SLITRK6: variants seen among roughly 807,000 people sequenced by gnomAD.
SLITRK6 encodes SLIT and NTRK like family member 6, also known as SLIT and NTRK-like protein 6.
A neutral mutation model predicts 55.6 loss-of-function variants in SLITRK6; 35 were observed. The observed-to-expected ratio is 0.63, with a 90% CI of 0.48 to 0.83. SLITRK6 has a LOEUF of 0.83. Ranked by LOEUF, SLITRK6 falls within the 40% of genes least tolerant of loss-of-function variation. The pLI is 0.00. For missense variants in SLITRK6, 977 were observed against 986.4 expected (o/e 0.99, Z 0.13); for synonymous variants, 392 against 359.6 (o/e 1.09, Z -1.02).
In SLITRK6 at chr13:85,794,599, C is replaced by G; in HGVS notation, c.1910G>C (p.Arg637Thr). The G allele has an allele frequency of 6.2e-7, 1 of 1,613,106 alleles. No homozygotes were observed. The highest frequency in any genetic ancestry group is 1.1e-5 in the South Asian group (1 of 91,042). ...ATCTACTTGTTTCTTTTTGTATCTTCTCCTGCGGTGAAGAACAAGAACCAC... is the reference window on the plus strand; with the variant it reads ...ATCTACTTGTTTCTTTTTGTATCTTGTCCTGCGGTGAAGAACAAGAACCAC... ...GIVVLVLHRR[R>T]RYKKKQVDEQ... Residue 637 changes from arginine (R) to threonine (T), a missense_variant, in exon 2 of 2, where the codon AGA becomes ACA. Coordinates refer to ENST00000647374, the MANE Select transcript of SLITRK6 (RefSeq NM_032229.3).
rs1289388792 is a variant in SLITRK6 at position 85,794,478 on chromosome 13, G to A, written c.2031C>T (p.Leu677=). 4 of 1,613,366 alleles carry A rather than the reference G, an allele frequency of 2.5e-6. No individual in the cohort carries two copies. The highest frequency in any genetic ancestry group is 3.4e-6 in the Non-Finnish European group (4 of 1,179,548). Residue 677 remains leucine (L), a synonymous_variant, in exon 2 of 2, where the codon CTC becomes CTT. Coordinates refer to ENST00000647374, the MANE Select transcript of SLITRK6 (RefSeq NM_032229.3). ...HHTTERPSAS[L]YEQHMVSPMV... is the part of the protein sequence containing the mutation. ...TGGGGCTCACCATGTGCTGTTCATA[G>A]AGTGAGGCAGAGGGTCTTTCAGTAG...
Position 85,795,131 on chromosome 13 carries a change from T to G in SLITRK6, c.1378A>C (p.Lys460Gln), listed in dbSNP as rs766460030. ...ILPGTFNPMP[K>Q]LKVLYLNNNL... ...TTATTTAAATACAGGACTTTAAGTT[T>G]AGGCATTGGATTAAAGGTTCCTGGC... Residue 460 changes from lysine (K) to glutamine (Q), a missense_variant, in exon 2 of 2, where the codon AAA (lysine) becomes CAA (glutamine). Coordinates refer to ENST00000647374, the MANE Select transcript of SLITRK6 (RefSeq NM_032229.3). 6.2e-6 allele frequency: 10 copies of G among 1,612,998 alleles called. 1 individual carries two copies. The highest frequency in any genetic ancestry group is 1.7e-4 in the Middle Eastern group (1 of 6,052).
Position 85,796,492 on chromosome 13 carries a change from T to G in SLITRK6, c.17A>C (p.His6Pro). The change falls in exon 2 of 2, where the codon CAT (histidine) becomes CCT (proline). Residue 6 changes from histidine to proline, a missense_variant. Coordinates refer to ENST00000647374, the MANE Select transcript of SLITRK6 (RefSeq NM_032229.3). The part of the protein sequence containing the change: MKLWI[H>P]LFYSSLLACI... ...GGCAAGGAGAGATGAATAAAAGAGA[T>G]GAATCCACAGCTTCATGTTGTCATG... 1 of 1,549,060 alleles carries G rather than the reference T, an allele frequency of 6.5e-7. No homozygotes were observed. The highest frequency in any genetic ancestry group is 1.3e-5 in the South Asian group (1 of 79,726).
In SLITRK6 at chr13:85,793,281, C is replaced by A. The variant is rs1874599500; in HGVS notation, c.*702G>T. The A allele has an allele frequency of 6.6e-6, 1 of 151,938 alleles. No individual in the cohort carries two copies. Among genetic ancestry groups the A allele is most frequent in the Non-Finnish European group, 1.5e-5 (1 of 67,862 alleles). The allele number at this position is 151,938 out of a possible 1,614,324, so 9.4% of individuals were successfully genotyped here. ...GCAGCACTGACATTAAAATTGTCTACACAAAATGTGTAGAAAACCCAAAAA... is the reference window on the plus strand; with the variant it reads ...GCAGCACTGACATTAAAATTGTCTAAACAAAATGTGTAGAAAACCCAAAAA... On this transcript the variant is annotated 3_prime_UTR_variant, in exon 2 of 2. Coordinates refer to ENST00000647374, the MANE Select transcript of SLITRK6 (RefSeq NM_032229.3).
At chr13:85,796,563 T>C (rs1874732771) in intron 1 of SLITRK6, 31 bp from the exon 2 acceptor site, 14 of 1,470,884 alleles carry the variant, frequency 9.5e-6, no homozygotes, top group Non-Finnish European at 1.2e-5. Flanking sequence ...GCAAGGGACT[T>C]TAGTGGGCAG....
intron 1 of SLITRK6, among the ~76,000 whole-genome samples, chr13:85,798,548 A>G (rs1874789422): frequency 6.6e-6 from 1 of 152,096 alleles, no homozygotes; most frequent in African/African-American, 2.4e-5. Flanking sequence ...TCAGAAAATA[A>G]GTAGCATACA....
At position 85,796,219 on chromosome 13, in the gene SLITRK6, A is replaced by G. The variant is rs1489213060; in HGVS notation, c.290T>C (p.Phe97Ser). The change falls in exon 2 of 2, where the codon TTT (phenylalanine) becomes TCT (serine). Residue 97 changes from phenylalanine to serine, a missense_variant. By Grantham distance (155) the Phe-to-Ser change is radical. Transcript: ENST00000647374. ...TATCTCAATATCTGCAATATTGTTA[A>G]ATCCAAGGTGTATTGAAATAGCATT... ...LTNAISIHLG[F>S]NNIADIEIGA... 1 of 1,613,158 alleles carries G rather than the reference A, an allele frequency of 6.2e-7. No homozygotes were observed. Among genetic ancestry groups the G allele is most frequent in the East Asian group, 2.2e-5 (1 of 44,840 alleles).
rs974864023 is a variant in SLITRK6 at position 85,793,392 on chromosome 13, A to G, written c.*591T>C. The G allele has an allele frequency of 3.3e-5, 5 of 152,342 alleles. No individual in the cohort carries two copies. The highest frequency in any genetic ancestry group is 2.0e-4 in the Admixed American group (3 of 15,184). 9.4% of individuals were successfully genotyped at this position (152,342 alleles called of 1,614,324 possible). A position where few individuals can be genotyped will look rare whatever the true frequency, so the allele number is the denominator to read the frequency against. ...GAGAGTGGCATTTGTTTAAGCTCAA[A>G]TGTTCAAAGTTTTGAGCCACCCATG... On this transcript the variant is annotated 3_prime_UTR_variant, in exon 2 of 2. Coordinates refer to ENST00000647374, the MANE Select transcript of SLITRK6 (RefSeq NM_032229.3).
rs760002987 is a variant in SLITRK6 at position 85,796,099 on chromosome 13, T to A, written c.410A>T (p.Asn137Ile). The A allele has an allele frequency of 3.7e-6, 6 of 1,612,592 alleles. No homozygotes were observed. The highest frequency in any genetic ancestry group is 5.1e-6 in the Non-Finnish European group (6 of 1,179,350). The change falls in exon 2 of 2, where the codon AAC becomes ATC. Residue 137 changes from asparagine (N) to isoleucine (I), a missense_variant. Physicochemically the swap from Asn to Ile is moderately radical, Grantham distance 149 (BLOSUM62 -3). Coordinates refer to ENST00000647374, the MANE Select transcript of SLITRK6 (RefSeq NM_032229.3). ...GTTATCTGCTTGCAGGAATTCCAGG[T>A]TTTCCAGTCCATGGAAAGTATCCTC... ...LKEDTFHGLE[N>I]LEFLQADNNF...
In SLITRK6 at chr13:85,794,360, G is replaced by T; in HGVS notation, c.2149C>A (p.Leu717Ile). The T allele has an allele frequency of 2.5e-6, 4 of 1,613,242 alleles. No homozygotes were observed. The highest frequency in any genetic ancestry group is 2.5e-6 in the Non-Finnish European group (3 of 1,179,542). ...TCCTGTTCCAAAAGACTTCTTTGGA[G>T]ATGTTTTGCATCACTTCCTTCTTTC... The part of the protein sequence containing the change: ...NEKEGSDAKH[L>I]QRSLLEQENH... The change falls in exon 2 of 2, where the codon CTC becomes ATC. Residue 717 changes from leucine (L) to isoleucine (I), a missense_variant. Transcript: ENST00000647374.
At position 85,794,527 on chromosome 13, in the gene SLITRK6, T is replaced by G; in HGVS notation, c.1982A>C (p.Tyr661Ser). ...AGTGTGATGAGTGGTTTTATGGCCA[T>G]ACATGCTGTACTGAAGATGCACAGG... is the stretch of plus-strand genomic sequence containing the variant. ...NSPVHLQYSM[Y>S]GHKTTHHTTE... The change falls in exon 2 of 2, where the codon TAT becomes TCT. Residue 661 changes from tyrosine to serine, a missense_variant. Tyr to Ser is a moderately radical substitution (Grantham distance 144). Transcript: ENST00000647374. The G allele has an allele frequency of 1.2e-6, 2 of 1,613,222 alleles. No homozygotes were observed. The highest frequency in any genetic ancestry group is 1.7e-6 in the Non-Finnish European group (2 of 1,179,524).
rs1422331146 is a variant in SLITRK6 at position 85,794,863 on chromosome 13, G to A, written c.1646C>T (p.Pro549Leu). Reference protein sequence around the residue: ...TVTDDILCTSPGHLDKKELKA... With the variant: ...TVTDDILCTSLGHLDKKELKA... ...CAATTCCTTTTTGTCGAGATGCCCG[G>A]GGGAAGTGCAGAGGATGTCATCTGT... Residue 549 changes from proline to leucine, a missense_variant, in exon 2 of 2, where the codon CCC (proline) becomes CTC (leucine). By Grantham distance (98) the Pro-to-Leu change is moderately conservative. Coordinates refer to ENST00000647374, the MANE Select transcript of SLITRK6 (RefSeq NM_032229.3). The A allele has an allele frequency of 1.2e-6, 2 of 1,613,060 alleles. No homozygotes were observed. Among genetic ancestry groups the A allele is most frequent in the Admixed American group, 3.3e-5 (2 of 59,782 alleles).
At chr13:85,797,151 C>CTATATA (rs10694306) in intron 1 of SLITRK6, among the ~76,000 whole-genome samples, 32,993 of 144,908 alleles carry the variant, frequency 0.23, 4,059 homozygotes, top group Middle Eastern at 0.26. Context: ...TCGGTTTTGG[C>CTATATA]TATATATATA....
chr13:85,796,243 T>A lies in SLITRK6; in HGVS notation c.266A>T (p.Asn89Ile). 1.2e-6 allele frequency: 2 copies of A among 1,612,924 alleles called. No homozygotes were observed. The highest frequency in any genetic ancestry group is 1.7e-6 in the Non-Finnish European group (2 of 1,179,384). ...AAATCCAAGGTGTATTGAAATAGCA[T>A]TGGTAAGCCCAGAAAAGTCATTTGT... ...LHTNDFSGLTNAISIHLGFNN... is the reference protein window; with the variant it reads ...LHTNDFSGLTIAISIHLGFNN... The change falls in exon 2 of 2, where the codon AAT becomes ATT. Residue 89 changes from asparagine (N) to isoleucine (I), a missense_variant. Coordinates refer to ENST00000647374, the MANE Select transcript of SLITRK6 (RefSeq NM_032229.3).
rs1265865996 is a variant in SLITRK6 at position 85,795,864 on chromosome 13, C to T, written c.645G>A (p.Leu215=). The change falls in exon 2 of 2, where the codon TTG becomes TTA. Residue 215 remains leucine, a synonymous_variant. Coordinates refer to ENST00000647374, the MANE Select transcript of SLITRK6 (RefSeq NM_032229.3). ...AATTGCAGGCCCATTTGTTGTCCTCCAACTGAAGATCCAATATTCGGCCAA... is the reference window on the plus strand; with the variant it reads ...AATTGCAGGCCCATTTGTTGTCCTCTAACTGAAGATCCAATATTCGGCCAA... ...EHIGRILDLQ[L]EDNKWACNCD... 2 of 1,612,988 alleles carry T rather than the reference C, an allele frequency of 1.2e-6. No individual in the cohort carries two copies. Among genetic ancestry groups the T allele is most frequent in the East Asian group, 4.5e-5 (2 of 44,820 alleles).
chr13:85,794,442 G>GAA lies in SLITRK6; in HGVS notation c.2066_2067insTT (p.Tyr690SerfsTer47). On this transcript the variant is annotated frameshift_variant, in exon 2 of 2. Coordinates refer to ENST00000647374, the MANE Select transcript of SLITRK6 (RefSeq NM_032229.3). LOFTEE classifies it high-confidence loss of function. Reference sequence around the variant, plus strand: ...TTGGACCAAAGGATGGACTTCTATAGACATGAACCATGGGGCTCACCATGT... The same window carrying GAA: ...TTGGACCAAAGGATGGACTTCTATAGAAACATGAACCATGGGGCTCACCATGT... 6.2e-7 allele frequency: 1 copy of GAA among 1,613,288 alleles called. No homozygotes were observed. Among genetic ancestry groups the GAA allele is most frequent in the Non-Finnish European group, 8.5e-7 (1 of 1,179,560 alleles).
chr13:85,796,564 T>C (rs538099730), intron 1 of SLITRK6, 32 bp from the exon 2 acceptor site: 19 of 1,469,810 alleles, frequency 1.3e-5, no homozygotes, highest in Admixed American at 7.8e-5. Context: ...CAAGGGACTT[T>C]AGTGGGCAGA....
chr13:85,795,480 A>G lies in SLITRK6; in HGVS notation c.1029T>C (p.Leu343=), dbSNP rs200156618. ...TGTTGCGCTCCTGACAATGTATTAG[A>G]AGTCCTGATGGGGATAGGACTTTGC... ...CNCKVLSPSG[L]LIHCQERNIE... The change falls in exon 2 of 2, where the codon CTT becomes CTC. Residue 343 remains leucine (L), a synonymous_variant. Coordinates refer to ENST00000647374, the MANE Select transcript of SLITRK6 (RefSeq NM_032229.3). 8.1e-5 allele frequency: 130 copies of G among 1,612,970 alleles called. 1 individual carries two copies. Among genetic ancestry groups the G allele is most frequent in the Middle Eastern group, 3.3e-4 (2 of 6,076 alleles).
chr13:85,798,771 G>A (rs181806397), intron 1 of SLITRK6, 143 bp downstream of exon 1: 10 of 152,086 alleles, frequency 6.6e-5, no homozygotes, highest in Non-Finnish European at 1.5e-4. Context: ...CTGCTCCAGT[G>A]TTAGTTGTGC....
Sources: allele counts gnomAD v4.1 joint callset (sites outside exome capture counted in the v4.1 genomes callset), GRCh38; gene constraint gnomAD v4.1.1; transcripts MANE v1.5; gene names NCBI Gene and HGNC (gene_info 2026-07-23, HGNC 2026-07-21).